CFAP69: variants seen among roughly 807,000 people sequenced by gnomAD.
CFAP69 encodes the protein cilia- and flagella-associated protein 69.
CFAP69 carries 92 observed loss-of-function variants against 123.0 expected under a neutral mutation model. That is an observed-to-expected ratio of 0.75 (90% CI 0.63 to 0.89). The LOEUF (loss-of-function observed/expected upper bound fraction) is 0.89. CFAP69 is among the 40% of genes least tolerant of loss of function. The probability of loss-of-function intolerance (pLI) is 0.00; values close to 1 mark genes in which losing one functional copy is unlikely to be tolerated. For synonymous variants in CFAP69, 380 were observed against 364.3 expected, an observed-to-expected ratio of 1.04 and a Z score of -0.49; for missense variants, 1,067 against 1,096.9, an observed-to-expected ratio of 0.97 and a Z score of 0.39.
intron 1 of CFAP69, 133 bp downstream of exon 1, chr7:90,245,677 T>G: frequency 1.7e-6 from 2 of 1,179,246 alleles, no homozygotes; most frequent in Non-Finnish European, 1.1e-6. Context: ...GGGATGGAGA[T>G]TCCAAGCGCA....
At chr7:90,297,699 C>A in intron 15 of CFAP69, 50 bp from the exon 16 acceptor site, 1 of 1,149,696 alleles carries the variant, frequency 8.7e-7, no homozygotes, top group Non-Finnish European at 1.3e-6. Flanking sequence ...TGTACAAATT[C>A]AGTTTAACAA....
intron 4 of CFAP69, among the ~76,000 whole-genome samples, chr7:90,262,728 C>G (rs949323052): frequency 6.6e-6 from 1 of 151,898 alleles, no homozygotes; most frequent in African/African-American, 2.4e-5. Flanking sequence ...ATTTTACCTT[C>G]TGAACCTTTC....
chr7:90,275,361 T>A (rs946256026), intron 9 of CFAP69, among the ~76,000 whole-genome samples: 3 of 152,138 alleles, frequency 2.0e-5, no homozygotes, highest in Non-Finnish European at 4.4e-5. Context: ...TTGAGTATTC[T>A]CTGCACTTGT....
At chr7:90,253,547 C>T (rs961186044) in intron 1 of CFAP69, among the ~76,000 whole-genome samples, 4 of 152,064 alleles carry the variant, frequency 2.6e-5, no homozygotes, top group Non-Finnish European at 4.4e-5. Flanking sequence ...CCCGCCATCA[C>T]ACCTGGCTAA....
At chr7:90,274,430 G>A (rs567826384) in intron 9 of CFAP69, among the ~76,000 whole-genome samples, 1 of 152,158 alleles carries the variant, frequency 6.6e-6, no homozygotes, top group Admixed American at 6.5e-5. Flanking sequence ...ATTTCTTGTG[G>A]TGCAAATCTA....
intron 14 of CFAP69, chr7:90,287,661 T>G (rs1051132654): frequency 2.0e-6 from 2 of 985,322 alleles, no homozygotes; most frequent in African/African-American, 3.5e-5. Flanking sequence ...CTCATCATAT[T>G]CTACCACCCT....
the CFAP69 span, chr7:90,319,242 A>C: frequency 2.5e-6 from 1 of 397,246 alleles, no homozygotes; most frequent in Non-Finnish European, 4.4e-6. Context: ...AGGGAAAAAA[A>C]CTAAATATGG....
intron 9 of CFAP69, among the ~76,000 whole-genome samples, chr7:90,275,017 T>A (rs2116963046): frequency 6.6e-6 from 1 of 152,286 alleles, no homozygotes; most frequent in Admixed American, 6.5e-5. Flanking sequence ...TTTTCAATCA[T>A]TTTTCTCTCT....
intron 12 of CFAP69, among the ~76,000 whole-genome samples, chr7:90,281,102 G>T (rs1208627982): frequency 6.6e-6 from 1 of 152,178 alleles, no homozygotes. Flanking sequence ...CACCTTCCAA[G>T]TATTAAGTCA....
At chr7:90,281,391 G>A (rs1789467957) in intron 12 of CFAP69, among the ~76,000 whole-genome samples, 1 of 151,812 alleles carries the variant, frequency 6.6e-6, no homozygotes, top group South Asian at 2.1e-4. Context: ...GATTTGCCTT[G>A]CTATTTATCA....
Position 90,306,926 on chromosome 7 carries a change from A to C in CFAP69, c.2291A>C (p.Tyr764Ser). 1 of 1,543,352 alleles carries C rather than the reference A, an allele frequency of 6.5e-7. No individual in the cohort carries two copies. The highest frequency in any genetic ancestry group is 8.9e-7 in the Non-Finnish European group (1 of 1,124,608). Residue 764 changes from tyrosine (Y) to serine (S), a missense_variant, in exon 20 of 23, where the codon TAT becomes TCT. Tyr to Ser is a moderately radical substitution (Grantham distance 144). Transcript: ENST00000389297. ...ATTGGAGAAATATGGAATGAAATAT[A>C]TGAAGAAATAAAATTAGAAAAATTA... is the stretch of plus-strand genomic sequence containing the variant. ...FKIGEIWNEI[Y>S]EEIKLEKLRP...
At chr7:90,306,841 T>C (rs2117439934) in intron 19 of CFAP69, 60 bp from the exon 20 acceptor site, 1 of 1,004,900 alleles carries the variant, frequency 1.0e-6, no homozygotes, top group Non-Finnish European at 1.5e-6. Flanking sequence ...AATTGTATAA[T>C]TGTACAATTG....
At chr7:90,323,505 G>T in the CFAP69 span, among the ~76,000 whole-genome samples, 8 of 152,152 alleles carry the variant, frequency 5.3e-5, no homozygotes, top group Non-Finnish European at 1.2e-4. Flanking sequence ...TGTTAAATAT[G>T]TATGGTAAAA....
the CFAP69 span, chr7:90,317,781 G>T: frequency 3.9e-5 from 6 of 152,000 alleles, no homozygotes; most frequent in African/African-American, 1.4e-4. Flanking sequence ...CAGGCAGTTC[G>T]TTACTTGTTC....
At chr7:90,264,102 AAAATATATATAT>A (rs1363323119) in intron 4 of CFAP69, among the ~76,000 whole-genome samples, 5 of 33,836 alleles carry the variant, frequency 1.5e-4, no homozygotes, top group African/African-American at 3.7e-4. Context: ...AAAAAAAAAA[AAAATATATATAT>A]ATATATATAT....
chr7:90,267,027 G>A (rs895671939), intron 5 of CFAP69, among the ~76,000 whole-genome samples: 1 of 152,116 alleles, frequency 6.6e-6, no homozygotes, highest in Non-Finnish European at 1.5e-5. Context: ...AAAAGCAGAC[G>A]AAAGACCCTA....
At chr7:90,249,387 C>G in intron 1 of CFAP69, among the ~76,000 whole-genome samples, 1 of 152,150 alleles carries the variant, frequency 6.6e-6, no homozygotes, top group East Asian at 1.9e-4. Flanking sequence ...TATAAATTAC[C>G]CAGTCTTGGG....
At chr7:90,296,069 C>A (rs1390836288) in intron 15 of CFAP69, among the ~76,000 whole-genome samples, 1 of 152,162 alleles carries the variant, frequency 6.6e-6, no homozygotes, top group Non-Finnish European at 1.5e-5. Flanking sequence ...AGCGCCTTAA[C>A]CTTCTGGAAA....
intron 4 of CFAP69, among the ~76,000 whole-genome samples, chr7:90,262,567 T>C (rs925107736): frequency 6.6e-6 from 1 of 152,132 alleles, no homozygotes; most frequent in Non-Finnish European, 1.5e-5. Context: ...ACATGTCTTA[T>C]TCTTTCTACT....
Sources: gnomAD v4.1 joint callset for allele counts (sites outside exome capture counted in the v4.1 genomes callset) on GRCh38, gnomAD v4.1.1 for gene constraint, MANE v1.5 for transcripts, NCBI Gene and HGNC (gene_info 2026-07-23, HGNC 2026-07-21) for gene names.